The following CAMK2D variants were observed in gnomAD, a reference collection of about 807,000 sequenced individuals.
The protein encoded by CAMK2D is calcium/calmodulin-dependent protein kinase type II subunit delta.
Under a neutral mutation model 84.0 loss-of-function variants are expected in CAMK2D, and 37 were observed. The ratio of observed to expected loss-of-function variants is 0.44; its 90% CI spans 0.34 to 0.58. CAMK2D has a LOEUF of 0.58. Ranked by LOEUF, CAMK2D falls within the 20% of genes least tolerant of loss-of-function variation. The pLI, the probability that CAMK2D is intolerant of heterozygous loss-of-function variation, is 0.02. For synonymous variants in CAMK2D, 202 were observed against 212.5 expected, an observed-to-expected ratio of 0.95 and a Z score of 0.43; for missense variants, 448 against 652.5, an observed-to-expected ratio of 0.69 and a Z score of 3.41.
intron 2 of CAMK2D, among the ~76,000 whole-genome samples, chr4:113,756,902 T>A (rs1032339689): frequency 4.6e-5 from 7 of 152,110 alleles, no homozygotes; most frequent in African/African-American, 1.7e-4. Flanking sequence ...CCAGTTCTGA[T>A]TAGTGTGACA....
intron 16 of CAMK2D, among the ~76,000 whole-genome samples, chr4:113,495,452 A>G (rs1419908048): frequency 6.6e-6 from 1 of 152,208 alleles, no homozygotes; most frequent in Non-Finnish European, 1.5e-5. Flanking sequence ...CCACACAGAA[A>G]AGAAGGTTTT....
At chr4:113,627,998 A>G (rs1017927727) in intron 3 of CAMK2D, among the ~76,000 whole-genome samples, 5 of 152,226 alleles carry the variant, frequency 3.3e-5, no homozygotes, top group African/African-American at 7.2e-5. Flanking sequence ...TCAACTGATC[A>G]TGGCTCTTAG....
intron 16 of CAMK2D, among the ~76,000 whole-genome samples, chr4:113,488,313 T>A (rs2097785913): frequency 6.6e-6 from 1 of 152,184 alleles, no homozygotes; most frequent in African/African-American, 2.4e-5. Flanking sequence ...TGAGTCTGAT[T>A]ACCTCTTGTA....
chr4:113,669,848 A>G (rs2099272642), intron 2 of CAMK2D, among the ~76,000 whole-genome samples: 1 of 152,196 alleles, frequency 6.6e-6, no homozygotes, highest in Non-Finnish European at 1.5e-5. Context: ...TTCAGGAGAA[A>G]GAGGATCCAA....
At chr4:113,743,147 T>C (rs886444746) in intron 2 of CAMK2D, among the ~76,000 whole-genome samples, 5 of 152,186 alleles carry the variant, frequency 3.3e-5, no homozygotes, top group Admixed American at 6.5e-5. Flanking sequence ...TCTAACTGCC[T>C]CCCTCACCTC....
At chr4:113,740,119 ATG>A (rs2099589415) in intron 2 of CAMK2D, among the ~76,000 whole-genome samples, 1 of 152,132 alleles carries the variant, frequency 6.6e-6, no homozygotes, top group Non-Finnish European at 1.5e-5. Flanking sequence ...TATTTCTTGA[ATG>A]TGTGTATGTA....
intron 6 of CAMK2D, among the ~76,000 whole-genome samples, chr4:113,543,756 T>A (rs961817805): frequency 6.7e-6 from 1 of 150,132 alleles, no homozygotes; most frequent in Non-Finnish European, 1.5e-5. Flanking sequence ...AAAGAATCTA[T>A]CTATCTATCA....
At chr4:113,468,638 TG>T (rs1452654592) in intron 16 of CAMK2D, among the ~76,000 whole-genome samples, 1 of 151,994 alleles carries the variant, frequency 6.6e-6, no homozygotes, top group African/African-American at 2.4e-5. Context: ...CAATCAGCAG[TG>T]AGGTTGAGGA....
intron 5 of CAMK2D, among the ~76,000 whole-genome samples, chr4:113,548,993 A>T (rs2098604196): frequency 6.6e-6 from 1 of 152,220 alleles, no homozygotes. Flanking sequence ...AAGTGTACAA[A>T]TTAAATAATA....
chr4:113,695,667 C>A (rs4475149), intron 2 of CAMK2D, among the ~76,000 whole-genome samples: 15,918 of 152,024 alleles, frequency 0.1, 1,376 homozygotes, highest in African/African-American at 0.24. Context: ...ACCTCCCCTA[C>A]AACCACCTGG....
intron 2 of CAMK2D, among the ~76,000 whole-genome samples, chr4:113,719,887 A>G (rs897074651): frequency 2.0e-5 from 3 of 152,214 alleles, no homozygotes; most frequent in African/African-American, 7.2e-5. Flanking sequence ...ACTCAGAGAG[A>G]CTACAGAACT....
At chr4:113,638,298 G>C (rs1000656853) in intron 3 of CAMK2D, among the ~76,000 whole-genome samples, 1 of 152,284 alleles carries the variant, frequency 6.6e-6, no homozygotes, top group African/African-American at 2.4e-5. Flanking sequence ...GTCAGAGACA[G>C]AAGGATAGAG....
chr4:113,554,094 T>C (rs942497143), intron 4 of CAMK2D, among the ~76,000 whole-genome samples: 1 of 152,170 alleles, frequency 6.6e-6, no homozygotes, highest in South Asian at 2.1e-4. Context: ...CTGCTATTTA[T>C]AGGCTCCTTA....
At chr4:113,465,094 G>A (rs2097441069) in intron 17 of CAMK2D, among the ~76,000 whole-genome samples, 1 of 152,090 alleles carries the variant, frequency 6.6e-6, no homozygotes, top group African/African-American at 2.4e-5. Flanking sequence ...GTGCAGTGAT[G>A]TGACCATGGC....
At chr4:113,739,969 T>C (rs1395863856) in intron 2 of CAMK2D, among the ~76,000 whole-genome samples, 1 of 152,142 alleles carries the variant, frequency 6.6e-6, no homozygotes, top group Non-Finnish European at 1.5e-5. Context: ...TCCATTTCTT[T>C]TTCACACTTC....
At chr4:113,740,588 A>G (rs910171014) in intron 2 of CAMK2D, among the ~76,000 whole-genome samples, 4 of 151,852 alleles carry the variant, frequency 2.6e-5, no homozygotes, top group African/African-American at 9.7e-5. Context: ...ATCTTAGTAT[A>G]CTCTACTTTT....
chr4:113,689,585 T>C (rs1315169578), intron 2 of CAMK2D, among the ~76,000 whole-genome samples: 3 of 152,204 alleles, frequency 2.0e-5, no homozygotes, highest in Admixed American at 2.0e-4. Flanking sequence ...TCCTTCTTAT[T>C]CTTTCAGAAA....
intron 2 of CAMK2D, among the ~76,000 whole-genome samples, chr4:113,706,542 G>C (rs1006216900): frequency 5.9e-5 from 9 of 152,136 alleles, no homozygotes; most frequent in African/African-American, 1.9e-4. Flanking sequence ...AAACTATATA[G>C]GCTCTGAAGT....
Position 113,585,847 on chromosome 4 carries a change from T to C in CAMK2D, c.275+23305A>G, listed in dbSNP as rs550732681. Among the ~76,000 whole-genome samples the C allele has an allele frequency of 2.6e-5, 4 of 152,278 alleles. No homozygotes were observed. In the South Asian group the frequency reaches 6.2e-4, roughly 24 times the overall value. On this transcript the variant is annotated intron_variant, in intron 4 of 20. Coordinates refer to ENST00000511664, the MANE Select transcript of CAMK2D (RefSeq NM_001321571.2). Reference sequence around the variant, plus strand: ...TTGTAAAGATAACTTAAGTATTGCATCCAGTATTAAACTGGAAGTAATTGT... The same window carrying C: ...TTGTAAAGATAACTTAAGTATTGCACCCAGTATTAAACTGGAAGTAATTGT...
Sources: gnomAD v4.1 joint callset for allele counts (sites outside exome capture counted in the v4.1 genomes callset) on GRCh38, gnomAD v4.1.1 for gene constraint, MANE v1.5 for transcripts, NCBI Gene and HGNC (gene_info 2026-07-23, HGNC 2026-07-21) for gene names.